The following CNOT6L variants were observed in gnomAD, a reference collection of about 807,000 sequenced individuals.
CNOT6L encodes the protein CCR4-NOT transcription complex subunit 6 like.
A neutral mutation model predicts 64.0 loss-of-function variants in CNOT6L; 7 were observed. The ratio of observed to expected loss-of-function variants is 0.11; its 90% CI spans 0.06 to 0.21. The LOEUF (loss-of-function observed/expected upper bound fraction) is 0.21, where lower values mean the gene tolerates loss of function less well. Ranked by LOEUF, CNOT6L falls within the 10% of genes least tolerant of loss-of-function variation. The probability of loss-of-function intolerance (pLI) is 1.00; values close to 1 mark genes in which losing one functional copy is unlikely to be tolerated. For missense variants in CNOT6L, 245 were observed against 669.0 expected (o/e 0.37, Z 6.99); for synonymous variants, 193 against 243.4 (o/e 0.79, Z 1.93).
chr4:77,754,888 T>TAAAAAAAAAAAAC (rs1725296461), intron 5 of CNOT6L, among the ~76,000 whole-genome samples: 1 of 36,956 alleles, frequency 2.7e-5, no homozygotes, highest in African/African-American at 1.1e-4. Flanking sequence ...ACATTAGAAG[T>TAAAAAAAAAAAAC]AAAAAAAAAA....
intron 3 of CNOT6L, among the ~76,000 whole-genome samples, chr4:77,773,468 A>T (rs1456012258): frequency 6.6e-6 from 1 of 152,190 alleles, no homozygotes; most frequent in Admixed American, 6.5e-5. Flanking sequence ...TCTCACCCAA[A>T]ATGCCTATCA....
chr4:77,757,011 T>C (rs1257349051), intron 4 of CNOT6L, 60 bp from the exon 5 acceptor site: 2 of 744,294 alleles, frequency 2.7e-6, no homozygotes, highest in South Asian at 2.0e-5. Context: ...AAGACAGAAA[T>C]GTATACTATA....
intron 4 of CNOT6L, among the ~76,000 whole-genome samples, chr4:77,759,044 C>T (rs1725874436): frequency 6.6e-6 from 1 of 151,888 alleles, no homozygotes; most frequent in African/African-American, 2.4e-5. Flanking sequence ...TCAACACCTA[C>T]AGCAAACAGT....
intron 1 of CNOT6L, among the ~76,000 whole-genome samples, chr4:77,793,362 C>T (rs1278939551): frequency 6.6e-6 from 1 of 152,174 alleles, no homozygotes; most frequent in Non-Finnish European, 1.5e-5. Flanking sequence ...TGAGCACCAA[C>T]CATGTGACAA....
chr4:77,727,103 A>G (rs558544059), intron 10 of CNOT6L, among the ~76,000 whole-genome samples: 11 of 152,334 alleles, frequency 7.2e-5, no homozygotes, highest in Non-Finnish European at 1.6e-4. Flanking sequence ...TGATAGTAAG[A>G]TATAATGAAT....
At position 77,714,610 on chromosome 4, in the gene CNOT6L, C is replaced by G. The variant is rs1475173075; in HGVS notation, c.*5821G>C. 1 of 152,330 alleles carries G rather than the reference C, an allele frequency of 6.6e-6. No individual in the cohort carries two copies. Among genetic ancestry groups the G allele is most frequent in the Non-Finnish European group, 1.5e-5 (1 of 67,952 alleles). The allele number at this position is 152,330 out of a possible 1,614,324, so 9.4% of individuals were successfully genotyped here. The stretch of plus-strand genomic sequence containing the variant: ...GATGAAAAAGTTGTTTGCATTTGGA[C>G]AACAACTGTACGAATGCCCATAGTG... On this transcript the variant is annotated 3_prime_UTR_variant, in exon 12 of 12. Coordinates refer to ENST00000504123, the MANE Select transcript of CNOT6L (RefSeq NM_144571.3).
intron 1 of CNOT6L, among the ~76,000 whole-genome samples, chr4:77,804,226 G>C (rs1578005066): frequency 6.6e-6 from 1 of 151,964 alleles, no homozygotes; most frequent in African/African-American, 2.4e-5. Flanking sequence ...TCAGGAGTTT[G>C]AGACCAGCCT....
At chr4:77,820,116 AG>A (rs1480621755), upstream of CNOT6L, among the ~76,000 whole-genome samples, 2 of 152,124 alleles carry the variant, frequency 1.3e-5, no homozygotes, top group African/African-American at 4.8e-5. Context: ...CAGAGACGCC[AG>A]CTTTCGGTGC....
Position 77,795,615 on chromosome 4 carries a change from G to A in CNOT6L, c.6-19223C>T, listed in dbSNP as rs935488094. ...TGTCTCTCTCCTGCTGGCCTTGTGA[G>A]GATGTGCCTGCTTCCCCTTCACCTT... is the stretch of plus-strand genomic sequence containing the variant. On this transcript the variant is annotated intron_variant, in intron 1 of 11. Coordinates refer to ENST00000504123, the MANE Select transcript of CNOT6L (RefSeq NM_144571.3). Among the ~76,000 whole-genome samples the A allele has an allele frequency of 6.6e-5, 10 of 152,230 alleles. 1 individual carries two copies. The highest frequency in any genetic ancestry group is 5.2e-4 in the Admixed American group (8 of 15,292).
intron 4 of CNOT6L, among the ~76,000 whole-genome samples, chr4:77,759,337 G>A (rs1054143349): frequency 5.9e-5 from 9 of 151,826 alleles, no homozygotes; most frequent in African/African-American, 1.9e-4. Flanking sequence ...AGGCCGAGGC[G>A]GGTGGATCAT....
intron 1 of CNOT6L, among the ~76,000 whole-genome samples, chr4:77,791,898 T>C (rs1730191581): frequency 1.3e-5 from 2 of 152,136 alleles, no homozygotes; most frequent in Admixed American, 1.3e-4. Flanking sequence ...AGAGAATATA[T>C]ATGTACATAT....
At chr4:77,726,883 T>C (rs776999381) in intron 10 of CNOT6L, among the ~76,000 whole-genome samples, 2 of 152,218 alleles carry the variant, frequency 1.3e-5, no homozygotes, top group Admixed American at 1.3e-4. Context: ...ATTCTTTATT[T>C]TGAGCTAGAG....
intron 4 of CNOT6L, among the ~76,000 whole-genome samples, chr4:77,762,512 T>C (rs1316347323): frequency 6.6e-6 from 1 of 152,160 alleles, no homozygotes; most frequent in Non-Finnish European, 1.5e-5. Context: ...GACATGCATA[T>C]GCAAAATAAT....
chr4:77,804,322 A>G lies in CNOT6L; in HGVS notation c.5+14982T>C, dbSNP rs112903731. Reference sequence around the variant, plus strand: ...TGGGCTCCTGTAATCCCAGCTACTCAGGAGGCTTAGGCAGGAGAACTGCTT... The same window carrying G: ...TGGGCTCCTGTAATCCCAGCTACTCGGGAGGCTTAGGCAGGAGAACTGCTT... On this transcript the variant is annotated intron_variant, in intron 1 of 11. Transcript: ENST00000504123. 1.8e-3 allele frequency among the ~76,000 whole-genome samples: 269 copies of G among 151,388 alleles called. 2 individuals are homozygous for G. Among genetic ancestry groups the G allele is most frequent in the African/African-American group, 5.4e-3 (224 of 41,222 alleles).
rs79657588 is a variant in CNOT6L at position 77,804,547 on chromosome 4, T to C, written c.5+14757A>G. On this transcript the variant is annotated intron_variant, in intron 1 of 11. Transcript: ENST00000504123. ...ATTATATGATTCTACTTATATTAAATGACTAGAAGAAGCAAATCCATAGAG... is the reference window on the plus strand; with the variant it reads ...ATTATATGATTCTACTTATATTAAACGACTAGAAGAAGCAAATCCATAGAG... Among the ~76,000 whole-genome samples the C allele has an allele frequency of 4.3e-3, 652 of 152,132 alleles. 6 individuals carry two copies. The highest frequency in any genetic ancestry group is 0.015 in the African/African-American group (623 of 41,520).
At chr4:77,764,698 A>C (rs940810415) in intron 4 of CNOT6L, among the ~76,000 whole-genome samples, 4 of 152,076 alleles carry the variant, frequency 2.6e-5, no homozygotes, top group African/African-American at 9.7e-5. Flanking sequence ...TTTAGGTATC[A>C]CCTTTTGTCA....
intron 4 of CNOT6L, among the ~76,000 whole-genome samples, chr4:77,770,994 T>C (rs985383780): frequency 1.3e-5 from 2 of 152,186 alleles, no homozygotes; most frequent in Admixed American, 6.5e-5. Flanking sequence ...CAGGAATGTT[T>C]CTAATACAAA....
At chr4:77,800,350 T>A (rs1459752766) in intron 1 of CNOT6L, among the ~76,000 whole-genome samples, 1 of 151,682 alleles carries the variant, frequency 6.6e-6, no homozygotes, top group African/African-American at 2.4e-5. Context: ...AAAAAAAATT[T>A]TTTTTTTTAA....
rs576297759 is a variant in CNOT6L at position 77,763,659 on chromosome 4, A to G, written c.401-6708T>C. On this transcript the variant is annotated intron_variant, in intron 4 of 11. Coordinates refer to ENST00000504123, the MANE Select transcript of CNOT6L (RefSeq NM_144571.3). ...CAACTTACAAATTGAACTAATGGAC[A>G]AATATATAAATCCTGTGCCCAACAA... Among the ~76,000 whole-genome samples, 4 of 152,326 alleles carry G rather than the reference A, an allele frequency of 2.6e-5. No individual in the cohort carries two copies. The South Asian group carries it at 8.3e-4, about 32-fold the overall frequency.
Sources: allele counts gnomAD v4.1 joint callset (sites outside exome capture counted in the v4.1 genomes callset), GRCh38; gene constraint gnomAD v4.1.1; transcripts MANE v1.5; gene names NCBI Gene and HGNC (gene_info 2026-07-23, HGNC 2026-07-21).